The following SNCAIP variants were observed in gnomAD, a reference collection of about 807,000 sequenced individuals.
SNCAIP encodes synuclein alpha interacting protein.
Under a neutral mutation model 86.7 loss-of-function variants are expected in SNCAIP, and 43 were observed. That is an observed-to-expected ratio of 0.50 (90% CI 0.39 to 0.64). The LOEUF (loss-of-function observed/expected upper bound fraction) is 0.64. Ranked by LOEUF, SNCAIP falls within the 30% of genes least tolerant of loss-of-function variation. The pLI, the probability that SNCAIP is intolerant of heterozygous loss-of-function variation, is 0.00. For synonymous variants in SNCAIP, 417 were observed against 427.2 expected (o/e 0.98, Z 0.29); for missense variants, 981 against 1,103.1 (o/e 0.89, Z 1.57).
At chr5:122,456,013 T>C (rs575415309) in intron 10 of SNCAIP, among the ~76,000 whole-genome samples, 78 of 152,322 alleles carry the variant, frequency 5.1e-4, no homozygotes, top group South Asian at 2.5e-3. Context: ...GAAACATTCA[T>C]TTCCCAGAGT....
rs1193243034 is a variant in SNCAIP at position 122,450,817 on chromosome 5, T to G, written c.1970T>G (p.Leu657Arg). Reference protein sequence around the residue: ...ASSRNSKKIPLEKRELKLARL... With the variant: ...ASSRNSKKIPREKRELKLARL... Reference sequence around the variant, plus strand: ...TCTAGAAATTCTAAAAAGATCCCACTGGAGAAGAGGGAACTGAAGTTAGCC... The same window carrying G: ...TCTAGAAATTCTAAAAAGATCCCACGGGAGAAGAGGGAACTGAAGTTAGCC... The change falls in exon 10 of 11, where the codon CTG (leucine) becomes CGG (arginine). Residue 657 changes from leucine (L) to arginine (R), a missense_variant. Leu to Arg is a moderately radical substitution (Grantham distance 102, BLOSUM62 -2). Transcript: ENST00000261368. 1 of 1,614,098 alleles carries G rather than the reference T, an allele frequency of 6.2e-7. No individual in the cohort carries two copies. The highest frequency in any genetic ancestry group is 2.2e-5 in the East Asian group (1 of 44,870).
At chr5:122,445,379 T>C (rs921812989) in intron 8 of SNCAIP, among the ~76,000 whole-genome samples, 14 of 152,112 alleles carry the variant, frequency 9.2e-5, no homozygotes, top group Non-Finnish European at 2.1e-4. Flanking sequence ...CAGGGAAGTA[T>C]TTCTGGGAGA....
At chr5:122,314,867 G>A (rs1751383635) in intron 1 of SNCAIP, among the ~76,000 whole-genome samples, 1 of 152,156 alleles carries the variant, frequency 6.6e-6, no homozygotes, top group Non-Finnish European at 1.5e-5. Flanking sequence ...CATTTACTTT[G>A]TGCTTATTTG....
chr5:122,421,784 G>A (rs1029303795), intron 3 of SNCAIP, among the ~76,000 whole-genome samples: 1 of 152,110 alleles, frequency 6.6e-6, no homozygotes, highest in South Asian at 2.1e-4. Context: ...TAGCAGTGGA[G>A]TGGCCCAGGG....
At chr5:122,335,681 G>A (rs11958517) in intron 1 of SNCAIP, among the ~76,000 whole-genome samples, 6,803 of 152,234 alleles carry the variant, frequency 0.045, 501 homozygotes, top group African/African-American at 0.16. Flanking sequence ...GTTGAGCTCT[G>A]ACATAGTCTC....
chr5:122,317,494 G>A (rs1333876515), intron 1 of SNCAIP, among the ~76,000 whole-genome samples: 1 of 152,150 alleles, frequency 6.6e-6, no homozygotes, highest in Non-Finnish European at 1.5e-5. Flanking sequence ...CCTATGGCCG[G>A]AGATTTGGAC....
Position 122,423,149 on chromosome 5 carries a change from A to T in SNCAIP, c.412A>T (p.Thr138Ser), listed in dbSNP as rs1776729960. The T allele has an allele frequency of 6.2e-7, 1 of 1,614,026 alleles. No individual in the cohort carries two copies. Among genetic ancestry groups the T allele is most frequent in the African/African-American group, 1.3e-5 (1 of 74,950 alleles). The change falls in exon 4 of 11, where the codon ACA (threonine) becomes TCA (serine). Residue 138 changes from threonine to serine, a missense_variant. Coordinates refer to ENST00000261368, the MANE Select transcript of SNCAIP (RefSeq NM_005460.4). ...GPPGKSSEPS[T>S]SLGELEHYDL... Reference sequence around the variant, plus strand: ...ACCAGGTAAGAGCTCTGAGCCCAGCACATCGCTGGGTGAACTGGAGCACTA... The same window carrying T: ...ACCAGGTAAGAGCTCTGAGCCCAGCTCATCGCTGGGTGAACTGGAGCACTA...
chr5:122,361,362 C>G (rs982146525), intron 1 of SNCAIP, among the ~76,000 whole-genome samples: 3 of 152,122 alleles, frequency 2.0e-5, no homozygotes, highest in Admixed American at 6.5e-5. Flanking sequence ...TACTCAGCAT[C>G]ACTTTCTCTG....
chr5:122,374,121 C>G lies in SNCAIP; in HGVS notation c.-46-16968C>G, dbSNP rs191728490. Among the ~76,000 whole-genome samples, 3 of 152,030 alleles carry G rather than the reference C, an allele frequency of 2.0e-5. No homozygotes were observed. In the East Asian group the frequency reaches 5.8e-4, roughly 29 times the overall value. ...TTTCTTTAGCTATTTTAGTCTTTGTCTGTTTCTGGATGTCTTTCCTCCTTT... is the reference window on the plus strand; with the variant it reads ...TTTCTTTAGCTATTTTAGTCTTTGTGTGTTTCTGGATGTCTTTCCTCCTTT... On this transcript the variant is annotated intron_variant, in intron 1 of 10. Transcript: ENST00000261368.
chr5:122,450,292 G>C (rs1433270707), intron 9 of SNCAIP, among the ~76,000 whole-genome samples: 5 of 152,192 alleles, frequency 3.3e-5, no homozygotes, highest in Non-Finnish European at 5.9e-5. Context: ...ATGCAAAATT[G>C]ATGTATAAAC....
chr5:122,335,105 T>C (rs912248870), intron 1 of SNCAIP, among the ~76,000 whole-genome samples: 1 of 152,240 alleles, frequency 6.6e-6, no homozygotes, highest in Non-Finnish European at 1.5e-5. Flanking sequence ...AGGATTTTTT[T>C]CCTCTTTCTT....
chr5:122,457,781 T>C (rs534657306), intron 10 of SNCAIP, among the ~76,000 whole-genome samples: 1 of 152,336 alleles, frequency 6.6e-6, no homozygotes, highest in Non-Finnish European at 1.5e-5. Context: ...ACTTGAACTA[T>C]TTCTTCACAT....
intron 7 of SNCAIP, among the ~76,000 whole-genome samples, chr5:122,441,801 C>A (rs1780998946): frequency 6.6e-6 from 1 of 152,012 alleles, no homozygotes; most frequent in African/African-American, 2.4e-5. Flanking sequence ...AGAGGCATGA[C>A]AATGTGAGGA....
At chr5:122,444,308 T>G in intron 7 of SNCAIP, 1 of 546,682 alleles carries the variant, frequency 1.8e-6, no homozygotes, top group East Asian at 4.0e-5. Context: ...ACTGCATATC[T>G]CATAAAGGAG....
At chr5:122,403,480 A>C (rs1772272101) in intron 2 of SNCAIP, among the ~76,000 whole-genome samples, 1 of 152,140 alleles carries the variant, frequency 6.6e-6, no homozygotes, top group African/African-American at 2.4e-5. Context: ...AGGGTCAGAC[A>C]GTTCTTCCAT....
chr5:122,359,861 T>C (rs1169582244), intron 1 of SNCAIP, among the ~76,000 whole-genome samples: 4 of 152,330 alleles, frequency 2.6e-5, no homozygotes, highest in Non-Finnish European at 4.4e-5. Flanking sequence ...AGCCGAATGA[T>C]AGACAGCTAA....
At chr5:122,333,100 A>T (rs1028312285) in intron 1 of SNCAIP, among the ~76,000 whole-genome samples, 1 of 152,212 alleles carries the variant, frequency 6.6e-6, no homozygotes, top group Non-Finnish European at 1.5e-5. Flanking sequence ...TAGCACAAAG[A>T]TAGAAGCCAT....
At chr5:122,313,701 T>C (rs1751132232) in intron 1 of SNCAIP, among the ~76,000 whole-genome samples, 1 of 152,250 alleles carries the variant, frequency 6.6e-6, no homozygotes, top group Non-Finnish European at 1.5e-5. Context: ...ACATTCAGCA[T>C]GGTTAGAGTA....
At chr5:122,391,053 T>A (rs1242160841) in intron 1 of SNCAIP, 36 bp from the exon 2 acceptor site, 1 of 1,170,064 alleles carries the variant, frequency 8.5e-7, no homozygotes, top group Non-Finnish European at 1.3e-6. Flanking sequence ...ACGGCTAAAT[T>A]TTTTTGCCTT....
Sources: gnomAD v4.1 joint callset for allele counts (sites outside exome capture counted in the v4.1 genomes callset) on GRCh38, gnomAD v4.1.1 for gene constraint, MANE v1.5 for transcripts, NCBI Gene and HGNC (gene_info 2026-07-23, HGNC 2026-07-21) for gene names.